KLK13: variants seen among roughly 807,000 people sequenced by gnomAD.
KLK13 encodes the protein kallikrein related peptidase 13, also known as kallikrein-13.
Under a neutral mutation model 22.4 loss-of-function variants are expected in KLK13, and 19 were observed. The ratio of observed to expected loss-of-function variants is 0.85; its 90% CI spans 0.59 to 1.24. The LOEUF is 1.24. KLK13 is among the 50% of genes most tolerant of loss of function. KLK13 has a pLI of 0.00. For synonymous variants in KLK13, 156 were observed against 141.8 expected (o/e 1.10, Z -0.71); for missense variants, 311 against 347.9 (o/e 0.89, Z 0.84).
chr19:51,058,529 C>T lies in KLK13; in HGVS notation c.645+9G>A, dbSNP rs374971536. Reference sequence around the variant, plus strand: ...CTGTCCAAGGCACCCACCAGCCTCCCGGCCTCACCTCACAGGAGTCTTTGC... The same window carrying T: ...CTGTCCAAGGCACCCACCAGCCTCCTGGCCTCACCTCACAGGAGTCTTTGC... On this transcript the variant is annotated intron_variant, in intron 4 of 4. Transcript: ENST00000595793. The T allele has an allele frequency of 5.6e-6, 9 of 1,613,970 alleles. No individual in the cohort carries two copies. The highest frequency in any genetic ancestry group is 1.3e-5 in the African/African-American group (1 of 74,930).
intron 3 of KLK13, 102 bp from the exon 4 acceptor site, chr19:51,058,776 GA>G: frequency 8.9e-7 from 1 of 1,128,462 alleles, no homozygotes; most frequent in South Asian, 1.4e-5. Context: ...ATAGAAAATT[GA>G]GATGGGAAGA....
chr19:51,060,812 A>C lies in KLK13; in HGVS notation c.53-193T>G, dbSNP rs138936558. Among the ~76,000 whole-genome samples, 110 of 152,196 alleles carry C rather than the reference A, an allele frequency of 7.2e-4. 3 individuals carry two copies. Among genetic ancestry groups the C allele is most frequent in the African/African-American group, 2.6e-3 (109 of 41,504 alleles). Reference sequence around the variant, plus strand: ...TGAATTAGGGCAAAGGGGTGACATTATTTTCTCAGGAAGTACCAAATCCTC... The same window carrying C: ...TGAATTAGGGCAAAGGGGTGACATTCTTTTCTCAGGAAGTACCAAATCCTC... On this transcript the variant is annotated intron_variant, in intron 1 of 4. Transcript: ENST00000595793.
chr19:51,058,988 G>A (rs1056480645), intron 3 of KLK13, among the ~76,000 whole-genome samples: 1 of 151,966 alleles, frequency 6.6e-6, no homozygotes, highest in African/African-American at 2.4e-5. Context: ...GAGAGAGGGA[G>A]TTGGAATAGG....
intron 4 of KLK13, 69 bp downstream of exon 4, chr19:51,058,469 C>T: frequency 6.3e-7 from 1 of 1,576,830 alleles, no homozygotes; most frequent in Non-Finnish European, 8.7e-7. Context: ...AAGCTTTTTC[C>T]CCAGCATCTG....
intron 1 of KLK13, among the ~76,000 whole-genome samples, chr19:51,063,154 C>A (rs1047341493): frequency 6.6e-6 from 1 of 152,126 alleles, no homozygotes; most frequent in East Asian, 1.9e-4. Context: ...CCTCATCAGG[C>A]CACCTAACAT....
At chr19:51,065,225 G>GC, upstream of KLK13, 1 of 526,950 alleles carries the variant, frequency 1.9e-6, no homozygotes, top group Non-Finnish European at 3.3e-6. Context: ...CCTGGAATCT[G>GC]CCCCCCGCCT....
At chr19:51,063,874 T>A (rs1339546204) in intron 1 of KLK13, 3 of 457,974 alleles carry the variant, frequency 6.6e-6, no homozygotes, top group Non-Finnish European at 1.3e-5. Flanking sequence ...CATGTCAAGA[T>A]AATTATTAAC....
rs763372482 is a variant in KLK13, at chr19:51,060,423, C to T, written c.239+10G>A. The T allele has an allele frequency of 7.0e-6, 11 of 1,566,348 alleles. No individual in the cohort carries two copies. The highest frequency in any genetic ancestry group is 1.4e-5 in the African/African-American group (1 of 73,366). On this transcript the variant is annotated intron_variant, in intron 2 of 4. Coordinates refer to ENST00000595793, the MANE Select transcript of KLK13 (RefSeq NM_015596.3). ...CATCCCTACCCCATGCTCCCCCGGC[C>T]CCCACATACTCCTTTAGACAGTGTG...
At position 51,058,589 on chromosome 19, in the gene KLK13, A is replaced by G; in HGVS notation, c.594T>C (p.Thr198=). 1 of 1,614,130 alleles carries G rather than the reference A, an allele frequency of 6.2e-7. No individual in the cohort carries two copies. Among genetic ancestry groups the G allele is most frequent in the Non-Finnish European group, 8.5e-7 (1 of 1,180,028 alleles). The change falls in exon 4 of 5, where the codon ACT becomes ACC. Residue 198 remains threonine (T), a synonymous_variant. Transcript: ENST00000595793. ...TTGTGCCGGCACACAACATGTTGTC[A>G]GTGATCTTTCCTGGGTAGACTTGAC... ...ECRQVYPGKI[T]DNMLCAGTKE...
intron 1 of KLK13, among the ~76,000 whole-genome samples, chr19:51,061,017 T>C (rs1338549717): frequency 6.6e-6 from 1 of 152,118 alleles, no homozygotes; most frequent in Non-Finnish European, 1.5e-5. Context: ...ATCTATCCAA[T>C]CATCCATCCC....
Position 51,056,595 on chromosome 19 carries a change from G to T in KLK13, c.826C>A (p.Pro276Thr). 6.2e-7 allele frequency: 1 copy of T among 1,614,074 alleles called. No individual in the cohort carries two copies. Among genetic ancestry groups the T allele is most frequent in the South Asian group, 1.1e-5 (1 of 91,066 alleles). ...GGTACATTTCTCAACTTTTATTGTG[G>T]GCCCTTCAACCATTTTTGCTGCTGG... ...ETQQQKWLKG[P>T]Q Residue 276 changes from proline to threonine, a missense_variant, in exon 5 of 5, where the codon CCA (proline) becomes ACA (threonine). By Grantham distance (38) the Pro-to-Thr change is conservative. Transcript: ENST00000595793.
chr19:51,060,413 C>T lies in KLK13; in HGVS notation c.239+20G>A. 6.4e-7 allele frequency: 1 copy of T among 1,551,190 alleles called. No individual in the cohort carries two copies. The highest frequency in any genetic ancestry group is 2.3e-5 in the East Asian group (1 of 44,138). ...GTCCCATTCTCATCCCTACCCCATGCTCCCCCGGCCCCCACATACTCCTTT... is the reference window on the plus strand; with the variant it reads ...GTCCCATTCTCATCCCTACCCCATGTTCCCCCGGCCCCCACATACTCCTTT... On this transcript the variant is annotated intron_variant, in intron 2 of 4. Transcript: ENST00000595793.
In KLK13 at chr19:51,056,468, T is replaced by C; in HGVS notation, c.*119A>G. 1 of 1,076,724 alleles carries C rather than the reference T, an allele frequency of 9.3e-7. No homozygotes were observed. Among genetic ancestry groups the C allele is most frequent in the Non-Finnish European group, 1.4e-6 (1 of 725,802 alleles). 66.7% of individuals were successfully genotyped at this position (1,076,724 alleles called of 1,614,324 possible). Reference sequence around the variant, plus strand: ...GGAATGTTAGCTGAGATTGAGCATTTTTCAGGACATGGATCACTGGTTCAA... The same window carrying C: ...GGAATGTTAGCTGAGATTGAGCATTCTTCAGGACATGGATCACTGGTTCAA... On this transcript the variant is annotated 3_prime_UTR_variant, in exon 5 of 5. Transcript: ENST00000595793.
chr19:51,064,912 C>T (rs1042802977), intron 1 of KLK13, 104 bp downstream of exon 1: 5 of 919,284 alleles, frequency 5.4e-6, no homozygotes, highest in Non-Finnish European at 8.1e-6. Flanking sequence ...CCCGAGTGGG[C>T]GGGGGGCGGA....
intron 4 of KLK13, among the ~76,000 whole-genome samples, chr19:51,058,245 G>C (rs1335133307): frequency 6.6e-6 from 1 of 152,220 alleles, no homozygotes; most frequent in Non-Finnish European, 1.5e-5. Flanking sequence ...CCTGCATTTT[G>C]TTTAAGCCAG....
In KLK13 at chr19:51,056,003, G is replaced by A. The variant is rs564892293; in HGVS notation, c.*584C>T. 1.8e-4 allele frequency among the ~76,000 whole-genome samples: 28 copies of A among 152,290 alleles called. No individual in the cohort carries two copies. The highest frequency in any genetic ancestry group is 3.4e-3 in the Middle Eastern group (1 of 294). On this transcript the variant is annotated 3_prime_UTR_variant, in exon 5 of 5. Transcript: ENST00000595793. ...GGACTTCTGAGACACCCATAACAGT[G>A]TGAGAATGAAATATTCTGAGGATCC...
Position 51,056,413 on chromosome 19 carries a change from C to A in KLK13, c.*174G>T. The A allele has an allele frequency of 2.9e-6, 2 of 692,466 alleles. No individual in the cohort carries two copies. Among genetic ancestry groups the A allele is most frequent in the Non-Finnish European group, 4.9e-6 (2 of 406,330 alleles). The allele number at this position is 692,466 out of a possible 1,614,324, so 42.9% of individuals were successfully genotyped here. A position where few individuals can be genotyped will look rare whatever the true frequency, so the allele number is the denominator to read the frequency against. ...GATGCAACATCTGGGAGACTGCAAG[C>A]CTGGCAGTGCCTGAATGCTTCTGAA... On this transcript the variant is annotated 3_prime_UTR_variant, in exon 5 of 5. Transcript: ENST00000595793.
At chr19:51,064,817 G>T in intron 1 of KLK13, 199 bp downstream of exon 1, 1 of 610,318 alleles carries the variant, frequency 1.6e-6, no homozygotes. Context: ...GAAGGGTCTG[G>T]GGTCGGAGGG....
chr19:51,065,105 G>GC, upstream of KLK13: 1 of 1,363,960 alleles, frequency 7.3e-7, no homozygotes, highest in Non-Finnish European at 1.0e-6. Context: ...GGCGGGCGGG[G>GC]CCTGAGGAGA....
Sources: gnomAD v4.1 joint callset for allele counts (sites outside exome capture counted in the v4.1 genomes callset) on GRCh38, gnomAD v4.1.1 for gene constraint, MANE v1.5 for transcripts, NCBI Gene and HGNC (gene_info 2026-07-23, HGNC 2026-07-21) for gene names.